The following METTL23 variants were observed in gnomAD, a reference collection of about 807,000 sequenced individuals.
METTL23 encodes the protein methyltransferase 23, arginine.
In METTL23, 24 loss-of-function variants were observed where a neutral mutation model predicts 21.2. The ratio of observed to expected loss-of-function variants is 1.13; its 90% confidence interval spans 0.82 to 1.59. METTL23 has a LOEUF of 1.59. METTL23 is among the 40% of genes most tolerant of loss of function. The pLI is 0.00. For missense variants in METTL23, 276 were observed against 221.4 expected (o/e 1.25, Z -1.57); for synonymous variants, 97 against 75.2 (o/e 1.29, Z -1.50).
chr17:76,726,827 G>A (rs1236654439), upstream of METTL23: 1 of 346,754 alleles, frequency 2.9e-6, no homozygotes, highest in South Asian at 2.2e-5. Context: ...CCGCGCTGCC[G>A]CTGTGCCCAT....
Position 76,729,797 on chromosome 17 carries a change from A to G in METTL23, c.84+3A>G, listed in dbSNP as rs1165125261. 5 of 1,585,276 alleles carry G rather than the reference A, an allele frequency of 3.2e-6. No individual in the cohort carries two copies. Among genetic ancestry groups the G allele is most frequent in the Non-Finnish European group, 8.6e-7 (1 of 1,163,460 alleles). On this transcript the variant is annotated splice_donor_region_variant and intron_variant, in intron 2 of 4. Transcript: ENST00000341249. ...TGCCAGGCAAGGCCATCTTAGAGGT[A>G]CAAATGCCCCTGAAGTTTCCAGAGT...
intron 3 of METTL23, 33 bp downstream of exon 3, chr17:76,733,248 C>CA (rs759898244): frequency 6.2e-7 from 1 of 1,612,094 alleles, no homozygotes. Flanking sequence ...TACATTTGGC[C>CA]AGTGATGCTA....
At chr17:76,726,750 G>C (rs1375917686), upstream of METTL23, 2 of 466,324 alleles carry the variant, frequency 4.3e-6, no homozygotes, top group African/African-American at 4.0e-5. Flanking sequence ...CATACGGCGG[G>C]CCTCCGCCAT....
chr17:76,729,035 A>G (rs1343273696), intron 1 of METTL23, among the ~76,000 whole-genome samples: 3 of 147,456 alleles, frequency 2.0e-5, no homozygotes, highest in African/African-American at 5.0e-5. Context: ...TCCTGACCTG[A>G]TGATCCACCC....
Position 76,733,672 on chromosome 17 carries a change from A to G in METTL23, c.559A>G (p.Lys187Glu), listed in dbSNP as rs1351741407. The G allele has an allele frequency of 2.5e-6, 4 of 1,613,288 alleles. No homozygotes were observed. In the Admixed American group the frequency reaches 5.0e-5, roughly 20 times the overall value. ...TGAAATGCTGGTCATTTCCTTTGCA[A>G]AGGACAGTCTCTGAATTATACCTAC... is the stretch of plus-strand genomic sequence containing the variant. ...TVEMLVISFA[K>E]DSL The change falls in exon 5 of 5, where the codon AAG (lysine) becomes GAG (glutamate). Residue 187 changes from lysine to glutamate, a missense_variant. Lys to Glu is a moderately conservative substitution (Grantham distance 56). Coordinates refer to ENST00000341249, the MANE Select transcript of METTL23 (RefSeq NM_001080510.5).
At chr17:76,726,374 G>A (rs1019870429), upstream of METTL23, 4 of 1,599,236 alleles carry the variant, frequency 2.5e-6, no homozygotes, top group South Asian at 2.2e-5. Flanking sequence ...TCAGCGAGAA[G>A]CTCTCGTAGT....
At chr17:76,731,846 C>T (rs1270438303) in intron 2 of METTL23, among the ~76,000 whole-genome samples, 9 of 152,198 alleles carry the variant, frequency 5.9e-5, no homozygotes, top group Admixed American at 5.9e-4. Flanking sequence ...TGGGCACTCA[C>T]AATAATTCTA....
rs1489552559 is a variant in METTL23, at chr17:76,726,992, G to A, written c.-208G>A. 2 of 456,434 alleles carry A rather than the reference G, an allele frequency of 4.4e-6. No homozygotes were observed. The highest frequency in any genetic ancestry group is 4.4e-6 in the Non-Finnish European group (1 of 226,826). The allele number at this position is 456,434 out of a possible 1,614,324, so 28.3% of individuals were successfully genotyped here. A position where few individuals can be genotyped will look rare whatever the true frequency, so the allele number is the denominator to read the frequency against. On this transcript the variant is annotated 5_prime_UTR_variant, in exon 1 of 5. Transcript: ENST00000341249. ...CAGGTGCTACGGCCACGTGGCCCGC[G>A]GCTTCCCGCTCGCGCAGTCTGGCAG...
chr17:76,726,310 G>A (rs1270160148), upstream of METTL23: 4 of 1,531,268 alleles, frequency 2.6e-6, no homozygotes, highest in South Asian at 2.4e-5. Flanking sequence ...TGGAGGTGCC[G>A]ATGCCCGGCC....
intron 1 of METTL23, among the ~76,000 whole-genome samples, chr17:76,729,442 G>A (rs991275055): frequency 1.3e-5 from 2 of 152,148 alleles, no homozygotes; most frequent in African/African-American, 4.8e-5. Flanking sequence ...ATGTGCTCAG[G>A]GAGAGCTATA....
intron 4 of METTL23, 27 bp downstream of exon 4, chr17:76,733,404 A>G (rs2077322844): frequency 1.9e-6 from 3 of 1,609,714 alleles, no homozygotes; most frequent in African/African-American, 1.3e-5. Context: ...CTTACTTTTT[A>G]TATGTAACTT....
rs778585716 is a variant in METTL23 at position 76,726,906 on chromosome 17, C to G, written c.-294C>G. 1 of 452,938 alleles carries G rather than the reference C, an allele frequency of 2.2e-6. No homozygotes were observed. Among genetic ancestry groups the G allele is most frequent in the South Asian group, 1.6e-5 (1 of 64,480 alleles). The allele number at this position is 452,938 out of a possible 1,614,324, so 28.1% of individuals were successfully genotyped here. A position where few individuals can be genotyped will look rare whatever the true frequency, so the allele number is the denominator to read the frequency against. On this transcript the variant is annotated 5_prime_UTR_variant, in exon 1 of 5. Transcript: ENST00000341249. ...TGAGTCTCTTTCGCCTTGCTCCGGG[C>G]TTTCTTCGCTCGCAGCGCGGCAGGG...
intron 1 of METTL23, among the ~76,000 whole-genome samples, chr17:76,728,415 T>TGTG (rs112409280): frequency 7.1e-6 from 1 of 140,962 alleles, no homozygotes; most frequent in African/African-American, 2.8e-5. Flanking sequence ...TTCACGGATT[T>TGTG]TTTTTTTTTT....
At chr17:76,728,160 C>G (rs532306048) in intron 1 of METTL23, among the ~76,000 whole-genome samples, 1 of 151,268 alleles carries the variant, frequency 6.6e-6, no homozygotes, top group East Asian at 1.9e-4. Context: ...TGCTTGAGCC[C>G]GAGAGGTCGA....
upstream of METTL23, chr17:76,726,751 C>A: frequency 2.2e-6 from 1 of 463,896 alleles, no homozygotes; most frequent in Non-Finnish European, 4.0e-6. Context: ...ATACGGCGGG[C>A]CTCCGCCATG....
At chr17:76,732,808 T>A in intron 2 of METTL23, 170 bp from the exon 3 acceptor site, 1 of 626,636 alleles carries the variant, frequency 1.6e-6, no homozygotes, top group Non-Finnish European at 2.8e-6. Flanking sequence ...AGGAATGTAC[T>A]TTTGTCATGT....
intron 2 of METTL23, among the ~76,000 whole-genome samples, chr17:76,731,558 A>G (rs2143839104): frequency 6.6e-6 from 1 of 152,348 alleles, no homozygotes; most frequent in East Asian, 1.9e-4. Flanking sequence ...TTCAGACCGT[A>G]GTGTAGCCCT....
At chr17:76,732,739 G>A (rs547654414) in intron 2 of METTL23, 5 of 560,850 alleles carry the variant, frequency 8.9e-6, no homozygotes, top group South Asian at 6.4e-5. Flanking sequence ...TACGATACAT[G>A]GCCCTTTAAT....
In METTL23 at chr17:76,732,143, A is replaced by C. The variant is rs185169151; in HGVS notation, c.85-835A>C. Among the ~76,000 whole-genome samples, 845 of 142,454 alleles carry C rather than the reference A, an allele frequency of 5.9e-3. 51 individuals carry two copies. The highest frequency in any genetic ancestry group is 0.025 in the African/African-American group (810 of 32,474). The allele number at this position is 142,454 out of a possible 152,430, so 93.5% of individuals were successfully genotyped here. A position where few individuals can be genotyped will look rare whatever the true frequency, so the allele number is the denominator to read the frequency against. On this transcript the variant is annotated intron_variant, in intron 2 of 4. Transcript: ENST00000341249. ...GAGACTGAGGCTGGTGGATCACTTG[A>C]GGTCAGGAGTTCAAGACCAGCCTGG...
Sources: gnomAD v4.1 joint callset for allele counts (sites outside exome capture counted in the v4.1 genomes callset) on GRCh38, gnomAD v4.1.1 for gene constraint, MANE v1.5 for transcripts, NCBI Gene and HGNC (gene_info 2026-07-23, HGNC 2026-07-21) for gene names.